The following BLM variants were observed in gnomAD, a reference collection of about 807,000 sequenced individuals.
BLM encodes the protein BLM RecQ like helicase.
Under a neutral mutation model 135.3 loss-of-function variants are expected in BLM, and 95 were observed. The ratio of observed to expected loss-of-function variants is 0.70; its 90% confidence interval spans 0.59 to 0.83. The LOEUF is 0.83. BLM is among the 40% of genes least tolerant of loss of function. The pLI, the probability that BLM is intolerant of heterozygous loss-of-function variation, is 0.00. For synonymous variants in BLM, 520 were observed against 589.2 expected (o/e 0.88, Z 1.70); for missense variants, 1,518 against 1,663.9 (o/e 0.91, Z 1.53).
chr15:90,751,835 C>T lies in BLM; in HGVS notation c.848C>T (p.Thr283Ile). 1 of 1,612,946 alleles carries T rather than the reference C, an allele frequency of 6.2e-7. No homozygotes were observed. Among genetic ancestry groups the T allele is most frequent in the Non-Finnish European group, 8.5e-7 (1 of 1,179,056 alleles). Residue 283 changes from threonine (T) to isoleucine (I), a missense_variant, in exon 4 of 22, where the codon ACT becomes ATT. Transcript: ENST00000355112. ...KNLEEAELHS[T>I]EKVPCIEFDD... ...TTGGAAGAAGCTGAATTACATTCAA[C>T]TGAGAAAGTTCCATGTATTGAATTT...
chr15:90,792,132 C>T (rs1896921360), intron 15 of BLM, among the ~76,000 whole-genome samples: 1 of 143,254 alleles, frequency 7.0e-6, no homozygotes, highest in Non-Finnish European at 1.5e-5. Flanking sequence ...GCTCTTGTTG[C>T]CTAGGCTGAA....
At chr15:90,719,353 G>A (rs1253502407) in intron 1 of BLM, among the ~76,000 whole-genome samples, 2 of 152,186 alleles carry the variant, frequency 1.3e-5, no homozygotes, top group African/African-American at 4.8e-5. Context: ...CATAATCCCA[G>A]CACTTTGGGA....
rs1179730639 is a variant in BLM, at chr15:90,802,904, C to A, written c.3359-617C>A. On this transcript the variant is annotated intron_variant, in intron 17 of 21. Transcript: ENST00000355112. ...GATGTGCTTACTTCACACTGTATGC[C>A]TGTATCAAAATATCTCATGTACTAC... 3.3e-5 allele frequency among the ~76,000 whole-genome samples: 5 copies of A among 152,238 alleles called. No individual in the cohort carries two copies. In the South Asian group the frequency reaches 1.0e-3, roughly 32 times the overall value.
At chr15:90,804,018 A>T in intron 18 of BLM, 149 bp from the exon 19 acceptor site, 1 of 746,196 alleles carries the variant, frequency 1.3e-6, no homozygotes, top group Non-Finnish European at 2.2e-6. Context: ...AAAGATGGAG[A>T]ATGCACAGCC....
intron 1 of BLM, among the ~76,000 whole-genome samples, chr15:90,720,425 A>G (rs1433810168): frequency 2.0e-5 from 3 of 152,210 alleles, no homozygotes; most frequent in Non-Finnish European, 4.4e-5. Flanking sequence ...ATGTCAAGAA[A>G]AATATTCCAG....
At chr15:90,745,080 C>T (rs1459272134) in intron 1 of BLM, among the ~76,000 whole-genome samples, 1 of 151,912 alleles carries the variant, frequency 6.6e-6, no homozygotes, top group East Asian at 1.9e-4. Context: ...GGATGCTTGA[C>T]GAAATGGCCG....
At chr15:90,758,869 G>C (rs1199530149) in intron 5 of BLM, among the ~76,000 whole-genome samples, 1 of 152,146 alleles carries the variant, frequency 6.6e-6, no homozygotes, top group African/African-American at 2.4e-5. Flanking sequence ...TGAGGGAGTG[G>C]GAAGGGTAGG....
chr15:90,718,771 G>A (rs1341233986), intron 1 of BLM, among the ~76,000 whole-genome samples: 3 of 152,072 alleles, frequency 2.0e-5, no homozygotes, highest in Admixed American at 6.6e-5. Flanking sequence ...TTTTACTGAG[G>A]AAACCAAGAG....
chr15:90,738,656 T>C (rs911363785), intron 1 of BLM, among the ~76,000 whole-genome samples: 1 of 152,160 alleles, frequency 6.6e-6, no homozygotes, highest in Admixed American at 6.6e-5. Context: ...AGGACTCGAA[T>C]AGACACTTCA....
intron 17 of BLM, among the ~76,000 whole-genome samples, chr15:90,802,333 G>T (rs762293736): frequency 1.3e-5 from 2 of 152,148 alleles, no homozygotes; most frequent in South Asian, 2.1e-4. Flanking sequence ...ATGTCACAAG[G>T]TCTCTTAAGT....
chr15:90,764,638 G>A (rs983062069), intron 8 of BLM, among the ~76,000 whole-genome samples: 2 of 152,092 alleles, frequency 1.3e-5, no homozygotes, highest in African/African-American at 4.8e-5. Context: ...AATAATAAAA[G>A]TAAATAAACA....
At chr15:90,753,702 C>T (rs928455735) in intron 4 of BLM, among the ~76,000 whole-genome samples, 2 of 152,208 alleles carry the variant, frequency 1.3e-5, no homozygotes, top group African/African-American at 4.8e-5. Flanking sequence ...GTTGTAACCT[C>T]TGAATTTCAG....
chr15:90,744,147 T>C (rs1895439302), intron 1 of BLM, among the ~76,000 whole-genome samples: 1 of 152,206 alleles, frequency 6.6e-6, no homozygotes, highest in Non-Finnish European at 1.5e-5. Context: ...GGGTAAGTAA[T>C]GATGCCATAG....
At chr15:90,735,236 A>AATATATATATATATATATATATATATAT (rs60589046) in intron 1 of BLM, among the ~76,000 whole-genome samples, 1 of 108,198 alleles carries the variant, frequency 9.2e-6, no homozygotes, top group African/African-American at 3.5e-5. Context: ...TGCCTAAGTT[A>AATATATATATATATATATATATATATAT]ATATATATAT....
rs1465891759 is a variant in BLM, at chr15:90,725,097, G to T, written c.-5+7657G>T. 3.3e-5 allele frequency among the ~76,000 whole-genome samples: 5 copies of T among 151,994 alleles called. 1 individual carries two copies. The East Asian group carries it at 7.7e-4, about 23-fold the overall frequency. ...CTAATTTTTGTATTTTTAGTAGAGAGAGCGTTTTGCCATGTTGTCCAGGAT... is the reference window on the plus strand; with the variant it reads ...CTAATTTTTGTATTTTTAGTAGAGATAGCGTTTTGCCATGTTGTCCAGGAT... On this transcript the variant is annotated intron_variant, in intron 1 of 21. Coordinates refer to ENST00000355112, the MANE Select transcript of BLM (RefSeq NM_000057.4).
intron 8 of BLM, among the ~76,000 whole-genome samples, chr15:90,763,596 CT>C (rs2151161142): frequency 6.6e-6 from 1 of 152,338 alleles, no homozygotes; most frequent in African/African-American, 2.4e-5. Flanking sequence ...AAGAACAGCT[CT>C]GCTGCTCACA....
chr15:90,804,874 T>C (rs1307489481), intron 19 of BLM, among the ~76,000 whole-genome samples: 1 of 152,218 alleles, frequency 6.6e-6, no homozygotes, highest in Non-Finnish European at 1.5e-5. Flanking sequence ...TTCACTCTTA[T>C]TGCCCAGGCT....
intron 15 of BLM, among the ~76,000 whole-genome samples, chr15:90,792,295 AG>A (rs1567057360): frequency 1.3e-5 from 2 of 151,514 alleles, no homozygotes; most frequent in East Asian, 2.0e-4. Context: ...TAGTAGAGAC[AG>A]GGTTTCACCA....
At chr15:90,730,610 G>C (rs949818849) in intron 1 of BLM, among the ~76,000 whole-genome samples, 8 of 149,664 alleles carry the variant, frequency 5.3e-5, no homozygotes, top group Non-Finnish European at 9.0e-5. Flanking sequence ...ACTGCGCCCA[G>C]CTAATTTTTG....
Sources: gnomAD v4.1 joint callset for allele counts (sites outside exome capture counted in the v4.1 genomes callset) on GRCh38, gnomAD v4.1.1 for gene constraint, MANE v1.5 for transcripts, NCBI Gene and HGNC (gene_info 2026-07-23, HGNC 2026-07-21) for gene names.